Variants in TRAPPC8 observed in about 807,000 individuals in gnomAD.
TRAPPC8 encodes trafficking protein particle complex subunit 8, also known as general sporulation gene 1 homolog.
A neutral mutation model predicts 174.3 loss-of-function variants in TRAPPC8; 54 were observed. The ratio of observed to expected loss-of-function variants is 0.31; its 90% CI spans 0.25 to 0.39. The LOEUF (loss-of-function observed/expected upper bound fraction) is 0.39, where lower values mean the gene tolerates loss of function less well. TRAPPC8 is among the 10% of genes least tolerant of loss of function. The pLI is 1.00. For missense variants in TRAPPC8, 1,531 were observed against 1,699.1 expected (o/e 0.90, Z 1.74); for synonymous variants, 630 against 579.9 (o/e 1.09, Z -1.24).
chr18:31,846,405 C>G (rs1291486362), intron 26 of TRAPPC8, among the ~76,000 whole-genome samples: 2 of 151,992 alleles, frequency 1.3e-5, no homozygotes, highest in Non-Finnish European at 2.9e-5. Flanking sequence ...GAAACTCCAT[C>G]TCTACAAAAA....
intron 16 of TRAPPC8, among the ~76,000 whole-genome samples, chr18:31,867,847 C>A (rs1489635154): frequency 6.6e-6 from 1 of 152,038 alleles, no homozygotes; most frequent in African/African-American, 2.4e-5. Flanking sequence ...CCACTGCACT[C>A]CAGCCTGGGT....
intron 12 of TRAPPC8, among the ~76,000 whole-genome samples, chr18:31,876,960 C>T (rs2035185774): frequency 1.3e-5 from 2 of 152,178 alleles, no homozygotes; most frequent in African/African-American, 4.8e-5. Context: ...GTCACCACCG[C>T]ACCACCAGAT....
Position 31,942,890 on chromosome 18 carries a change from G to C in TRAPPC8, c.-126C>G, listed in dbSNP as rs1278563867. ...GCCGGGCGGGGCCCCGAACGCACTG[G>C]AGCCTAGAAACAAGAAGGAACAGAC... On this transcript the variant is annotated 5_prime_UTR_variant, in exon 1 of 29. Transcript: ENST00000283351. 8.0e-7 allele frequency: 1 copy of C among 1,247,500 alleles called. No homozygotes were observed. Among genetic ancestry groups the C allele is most frequent in the Non-Finnish European group, 1.0e-6 (1 of 996,352 alleles). The allele number at this position is 1,247,500 out of a possible 1,614,324, so 77.3% of individuals were successfully genotyped here. A position where few individuals can be genotyped will look rare whatever the true frequency, so the allele number is the denominator to read the frequency against.
intron 18 of TRAPPC8, among the ~76,000 whole-genome samples, chr18:31,866,540 C>T (rs2034595313): frequency 6.6e-6 from 1 of 151,488 alleles, no homozygotes; most frequent in African/African-American, 2.4e-5. Context: ...TTTATATTGG[C>T]AGCAGACAAT....
chr18:31,923,955 T>C (rs1320503584), intron 2 of TRAPPC8, among the ~76,000 whole-genome samples: 2 of 152,056 alleles, frequency 1.3e-5, no homozygotes, highest in African/African-American at 2.4e-5. Context: ...AAGACAAGCC[T>C]GGCCAACATG....
At chr18:31,909,877 C>T in intron 5 of TRAPPC8, 117 bp from the exon 6 acceptor site, 2 of 619,404 alleles carry the variant, frequency 3.2e-6, no homozygotes, top group East Asian at 3.4e-5. Flanking sequence ...TTATTTGCTA[C>T]AGTGAGCATT....
chr18:31,942,742 A>C lies in TRAPPC8; in HGVS notation c.23T>G (p.Val8Gly). MAQCVQS[V>G]QELIPDSFVP... Reference sequence around the variant, plus strand: ...GAAGGAGTCCGGGATTAGCTCCTGCACTGATTGTACACACTGGGCCATCGC... The same window carrying C: ...GAAGGAGTCCGGGATTAGCTCCTGCCCTGATTGTACACACTGGGCCATCGC... The change falls in exon 1 of 29, where the codon GTG becomes GGG. Residue 8 changes from valine (V) to glycine (G), a missense_variant. Transcript: ENST00000283351. 1 of 1,584,440 alleles carries C rather than the reference A, an allele frequency of 6.3e-7. No homozygotes were observed. The highest frequency in any genetic ancestry group is 8.6e-7 in the Non-Finnish European group (1 of 1,166,122).
At position 31,883,197 on chromosome 18, in the gene TRAPPC8, T is replaced by TGG. The variant is rs2035540673; in HGVS notation, c.1728+7536_1728+7537dup. On this transcript the variant is annotated intron_variant, in intron 12 of 28. Transcript: ENST00000283351. ...GAGATCGTGCCACTGCACTCCAGCC[T>TGG]GGGTGACAGAGAAAGACTTCATCTC... 2.2e-5 allele frequency: 3 copies of TGG among 137,172 alleles called. No individual in the cohort carries two copies. In the South Asian group the frequency reaches 6.8e-4, roughly 31 times the overall value. 8.5% of individuals were successfully genotyped at this position (137,172 alleles called of 1,614,324 possible). A position where few individuals can be genotyped will look rare whatever the true frequency, so the allele number is the denominator to read the frequency against.
At chr18:31,879,134 A>G (rs1238853903) in intron 12 of TRAPPC8, among the ~76,000 whole-genome samples, 1 of 152,194 alleles carries the variant, frequency 6.6e-6, no homozygotes, top group Non-Finnish European at 1.5e-5. Context: ...GACCTAATAG[A>G]CGTCTACAGA....
chr18:31,891,536 C>T (rs1163687110), intron 11 of TRAPPC8, among the ~76,000 whole-genome samples: 5 of 152,148 alleles, frequency 3.3e-5, no homozygotes, highest in Non-Finnish European at 7.4e-5. Flanking sequence ...ATCTACAAAA[C>T]CACATACTAC....
At chr18:31,927,600 AAT>A (rs1407475430) in intron 2 of TRAPPC8, among the ~76,000 whole-genome samples, 2 of 152,166 alleles carry the variant, frequency 1.3e-5, no homozygotes, top group African/African-American at 2.4e-5. Context: ...ATGGGGTCTC[AAT>A]ATGTTACCCA....
chr18:31,852,321 A>C (rs1232236642), intron 24 of TRAPPC8, 125 bp downstream of exon 24: 2 of 1,026,896 alleles, frequency 1.9e-6, no homozygotes, highest in African/African-American at 3.2e-5. Flanking sequence ...TGGGAGACAG[A>C]GCAAGACCTT....
Position 31,897,769 on chromosome 18 carries a change from C to T in TRAPPC8, c.1596+17G>A. ...AGAACAATGCTAATTAAAGCAAATA[C>T]TACACAGTTTCAGTACCTCACTGGT... is the stretch of plus-strand genomic sequence containing the variant. On this transcript the variant is annotated intron_variant, in intron 11 of 28. Transcript: ENST00000283351. 6.5e-7 allele frequency: 1 copy of T among 1,529,632 alleles called. No individual in the cohort carries two copies. Among genetic ancestry groups the T allele is most frequent in the Non-Finnish European group, 8.8e-7 (1 of 1,131,630 alleles). 94.8% of individuals were successfully genotyped at this position (1,529,632 alleles called of 1,614,324 possible).
chr18:31,839,056 TA>T lies in TRAPPC8; in HGVS notation c.3983+255del, dbSNP rs1168904399. On this transcript the variant is annotated intron_variant, in intron 27 of 28. Transcript: ENST00000283351. ...TGCCTGATTCAGGACTTCTTATTTT[TA>T]GAATTTTAGAGATTTATATATTCCA... Among the ~76,000 whole-genome samples the T allele has an allele frequency of 2.6e-5, 4 of 152,222 alleles. No homozygotes were observed. In the East Asian group the frequency reaches 7.7e-4, roughly 29 times the overall value.
chr18:31,897,757 T>C, intron 11 of TRAPPC8, 29 bp downstream of exon 11: 1 of 1,447,826 alleles, frequency 6.9e-7, no homozygotes, highest in Non-Finnish European at 9.2e-7. Flanking sequence ...ACAATGCTAA[T>C]TAAAGCAAAT....
Position 31,907,450 on chromosome 18 carries a change from G to A in TRAPPC8, c.1389+10C>T. The stretch of plus-strand genomic sequence containing the variant: ...AGAATTAAGGAATTATAATACCATA[G>A]AATACCAACCAAGGCACCAGCTGCA... On this transcript the variant is annotated intron_variant, in intron 9 of 28. Transcript: ENST00000283351. The A allele has an allele frequency of 6.4e-7, 1 of 1,571,926 alleles. No homozygotes were observed. The highest frequency in any genetic ancestry group is 8.6e-7 in the Non-Finnish European group (1 of 1,157,280).
chr18:31,842,413 G>A (rs1330155242), intron 26 of TRAPPC8, among the ~76,000 whole-genome samples: 1 of 152,164 alleles, frequency 6.6e-6, no homozygotes, highest in Non-Finnish European at 1.5e-5. Flanking sequence ...TGTGAGACAT[G>A]AAATCAGACA....
chr18:31,925,753 G>A (rs1380440381), intron 2 of TRAPPC8, among the ~76,000 whole-genome samples: 1 of 152,166 alleles, frequency 6.6e-6, no homozygotes, highest in African/African-American at 2.4e-5. Flanking sequence ...CTGGAGGGCT[G>A]GGGGTAATAC....
chr18:31,851,964 T>C (rs1013993602), intron 24 of TRAPPC8, among the ~76,000 whole-genome samples: 2 of 152,192 alleles, frequency 1.3e-5, no homozygotes, highest in African/African-American at 4.8e-5. Flanking sequence ...AATGGTATAG[T>C]CCATAAGCAT....
Sources: allele counts gnomAD v4.1 joint callset (sites outside exome capture counted in the v4.1 genomes callset), GRCh38; gene constraint gnomAD v4.1.1; transcripts MANE v1.5; gene names NCBI Gene and HGNC (gene_info 2026-07-23, HGNC 2026-07-21).